HMCN1: variants seen among roughly 807,000 people sequenced by gnomAD.
HMCN1 encodes the protein hemicentin 1.
In HMCN1, 321 loss-of-function variants were observed where a neutral mutation model predicts 625.9. The observed-to-expected ratio is 0.51, with a 90% CI of 0.47 to 0.56. The LOEUF (loss-of-function observed/expected upper bound fraction) is 0.56. Ranked by LOEUF, HMCN1 falls within the 20% of genes least tolerant of loss-of-function variation. HMCN1 has a pLI of 0.00. For synonymous variants in HMCN1, 2,425 were observed against 2,417.6 expected (o/e 1.00, Z -0.09); for missense variants, 6,588 against 6,887.3 (o/e 0.96, Z 1.54).
chr1:185,946,465 T>A lies in HMCN1; in HGVS notation c.1828+12641T>A, dbSNP rs765022568. 4.7e-4 allele frequency among the ~76,000 whole-genome samples: 71 copies of A among 152,218 alleles called. 2 individuals carry two copies. Among genetic ancestry groups the A allele is most frequent in the Non-Finnish European group, 1.3e-4 (9 of 68,030 alleles). ...TGCCAGGAAGTAATGGTGCTAATTATGATTTGCCACTCTTTTCTAAGCCAA... is the reference window on the plus strand; with the variant it reads ...TGCCAGGAAGTAATGGTGCTAATTAAGATTTGCCACTCTTTTCTAAGCCAA... On this transcript the variant is annotated intron_variant, in intron 11 of 106. Transcript: ENST00000271588.
chr1:185,830,098 GT>G (rs562456930), intron 1 of HMCN1, among the ~76,000 whole-genome samples: 1 of 151,564 alleles, frequency 6.6e-6, no homozygotes, highest in Non-Finnish European at 1.5e-5. Flanking sequence ...AGAGTTGTTT[GT>G]TTTTTTCTTG....
At chr1:185,902,876 A>G (rs1274142404) in intron 4 of HMCN1, among the ~76,000 whole-genome samples, 1 of 151,690 alleles carries the variant, frequency 6.6e-6, no homozygotes, top group East Asian at 1.9e-4. Flanking sequence ...TTTTAAAACT[A>G]GAAAGTTTCA....
chr1:186,171,218 G>C (rs764197184), intron 100 of HMCN1, 119 bp from the exon 101 acceptor site: 64 of 751,238 alleles, frequency 8.5e-5, no homozygotes, highest in Non-Finnish European at 1.3e-4. Context: ...CAATATATTG[G>C]ATAGGTTTTA....
chr1:185,789,778 T>C (rs748304688), intron 1 of HMCN1, among the ~76,000 whole-genome samples: 3 of 152,194 alleles, frequency 2.0e-5, no homozygotes, highest in Non-Finnish European at 4.4e-5. Context: ...AGTTTTATTA[T>C]CTCTTAGATA....
chr1:185,771,559 TTAAA>T (rs1249552194), intron 1 of HMCN1, among the ~76,000 whole-genome samples: 3 of 152,198 alleles, frequency 2.0e-5, no homozygotes, highest in Non-Finnish European at 1.5e-5. Context: ...TATTTGACTG[TTAAA>T]TAAACATTTA....
At chr1:186,121,915 A>G (rs1661417893) in intron 80 of HMCN1, among the ~76,000 whole-genome samples, 1 of 152,186 alleles carries the variant, frequency 6.6e-6, no homozygotes, top group Non-Finnish European at 1.5e-5. Context: ...AATGAAGGCT[A>G]GGGAAGGTTA....
Position 186,000,237 on chromosome 1 carries a change from A to G in HMCN1, c.4067A>G (p.His1356Arg), listed in dbSNP as rs753815248. 1.2e-6 allele frequency: 2 copies of G among 1,611,112 alleles called. No individual in the cohort carries two copies. Among genetic ancestry groups the G allele is most frequent in the Admixed American group, 3.3e-5 (2 of 59,832 alleles). ...TTERKYNLKVHVPPVIKDKEQ... is the reference protein window; with the variant it reads ...TTERKYNLKVRVPPVIKDKEQ... ...GAAAGAAAATATAACCTCAAAGTCC[A>G]TGGTAAATGTAGCTAAAATCATGTA... Residue 1356 changes from histidine (H) to arginine (R), a missense_variant and splice_region_variant, in exon 26 of 107, where the codon CAT becomes CGT. By Grantham distance (29) the His-to-Arg change is conservative. Transcript: ENST00000271588.
intron 46 of HMCN1, among the ~76,000 whole-genome samples, chr1:186,058,977 G>T (rs1657516753): frequency 6.6e-6 from 1 of 151,906 alleles, no homozygotes; most frequent in African/African-American, 2.4e-5. Context: ...ACTTAACTTT[G>T]CTAACTTCAG....
At chr1:186,052,422 A>G (rs1165091381) in intron 42 of HMCN1, among the ~76,000 whole-genome samples, 2 of 152,060 alleles carry the variant, frequency 1.3e-5, no homozygotes, top group East Asian at 1.9e-4. Context: ...GGTTCCAGAG[A>G]GAAGCTGTAG....
chr1:185,834,664 C>T (rs1218299869), intron 1 of HMCN1, among the ~76,000 whole-genome samples: 1 of 152,078 alleles, frequency 6.6e-6, no homozygotes, highest in African/African-American at 2.4e-5. Context: ...AGAAGCAGGG[C>T]ATTACGTCCA....
intron 30 of HMCN1, among the ~76,000 whole-genome samples, chr1:186,012,152 G>A (rs1379649338): frequency 2.7e-5 from 4 of 150,588 alleles, no homozygotes; most frequent in East Asian, 1.9e-4. Context: ...GCTTGCTGGC[G>A]AATAATACAA....
rs1218510971 is a variant in HMCN1, at chr1:185,950,607, A to G, written c.1829-11911A>G. On this transcript the variant is annotated intron_variant, in intron 11 of 106. Coordinates refer to ENST00000271588, the MANE Select transcript of HMCN1 (RefSeq NM_031935.3). ...TATGAGAATTATGCCGAGATAGGTA[A>G]CAGATGAGGAAGAAATTTGGGCTTG... 7.9e-5 allele frequency among the ~76,000 whole-genome samples: 12 copies of G among 151,834 alleles called. 1 individual carries two copies. Among genetic ancestry groups the G allele is most frequent in the African/African-American group, 2.4e-4 (10 of 41,140 alleles).
At chr1:186,071,183 G>A (rs1006240227) in intron 52 of HMCN1, among the ~76,000 whole-genome samples, 8 of 152,030 alleles carry the variant, frequency 5.3e-5, no homozygotes, top group Middle Eastern at 3.2e-3. Flanking sequence ...TTGCTATCCC[G>A]GGTTAGAATG....
intron 1 of HMCN1, among the ~76,000 whole-genome samples, chr1:185,817,692 A>G (rs1659927544): frequency 6.6e-6 from 1 of 152,216 alleles, no homozygotes; most frequent in African/African-American, 2.4e-5. Context: ...TAAATTTACC[A>G]AAGCCTATGA....
chr1:185,912,865 A>C (rs1245828039), intron 6 of HMCN1, among the ~76,000 whole-genome samples: 1 of 152,116 alleles, frequency 6.6e-6, no homozygotes, highest in Non-Finnish European at 1.5e-5. Flanking sequence ...TCAAATGAAG[A>C]TATCCTGTAC....
At chr1:185,805,604 A>G (rs1165504946) in intron 1 of HMCN1, among the ~76,000 whole-genome samples, 1 of 152,220 alleles carries the variant, frequency 6.6e-6, no homozygotes, top group Non-Finnish European at 1.5e-5. Flanking sequence ...ATATTTAGGC[A>G]AAGTTACTTT....
At chr1:185,944,250 G>T (rs1045517521) in intron 11 of HMCN1, among the ~76,000 whole-genome samples, 7 of 152,136 alleles carry the variant, frequency 4.6e-5, no homozygotes, top group Non-Finnish European at 1.0e-4. Context: ...TCGCTTATAA[G>T]TGCAAGCTAA....
chr1:186,068,622 C>T (rs193181922), intron 50 of HMCN1, among the ~76,000 whole-genome samples: 14 of 152,040 alleles, frequency 9.2e-5, no homozygotes, highest in African/African-American at 3.1e-4. Flanking sequence ...AATCCTAGCA[C>T]TTTGGGAGGC....
chr1:185,792,225 G>A (rs1571357768), intron 1 of HMCN1, among the ~76,000 whole-genome samples: 1 of 152,288 alleles, frequency 6.6e-6, no homozygotes, highest in East Asian at 1.9e-4. Context: ...ACAATTATTT[G>A]TACTTGAATG....
Sources: gnomAD v4.1 joint callset for allele counts (sites outside exome capture counted in the v4.1 genomes callset) on GRCh38, gnomAD v4.1.1 for gene constraint, MANE v1.5 for transcripts, NCBI Gene and HGNC (gene_info 2026-07-23, HGNC 2026-07-21) for gene names.